SYCP1: variants seen among roughly 807,000 people sequenced by gnomAD.
SYCP1 encodes cancer/testis antigen 8.
Under a neutral mutation model 153.1 loss-of-function variants are expected in SYCP1, and 64 were observed. That is an observed-to-expected ratio of 0.42 (90% confidence interval 0.34 to 0.51). The LOEUF (loss-of-function observed/expected upper bound fraction) is 0.51. SYCP1 is among the 20% of genes least tolerant of loss of function. The pLI, the probability that SYCP1 is intolerant of heterozygous loss-of-function variation, is 0.06. For synonymous variants in SYCP1, 384 were observed against 341.8 expected, an observed-to-expected ratio of 1.12 and a Z score of -1.36; for missense variants, 997 against 1,049.0, an observed-to-expected ratio of 0.95 and a Z score of 0.68.
Position 114,926,321 on chromosome 1 carries a change from T to C in SYCP1, c.1844T>C (p.Ile615Thr), listed in dbSNP as rs561224885. 7.2e-6 allele frequency: 11 copies of C among 1,534,944 alleles called. No individual in the cohort carries two copies. In the South Asian group the frequency reaches 1.4e-4, roughly 20 times the overall value. The change falls in exon 22 of 32, where the codon ATT becomes ACT. Residue 615 changes from isoleucine (I) to threonine (T), a missense_variant. Physicochemically the swap from Ile to Thr is moderately conservative, Grantham distance 89 (BLOSUM62 -1). Coordinates refer to ENST00000369522, the MANE Select transcript of SYCP1 (RefSeq NM_003176.4). ...CAAGTTGAAAATAAAAACAAGTATATTGAAGAACTTCAGCAGGAGGTATGT... is the reference window on the plus strand; with the variant it reads ...CAAGTTGAAAATAAAAACAAGTATACTGAAGAACTTCAGCAGGAGGTATGT... ...RKQVENKNKY[I>T]EELQQENKAL...
intron 23 of SYCP1, among the ~76,000 whole-genome samples, chr1:114,935,053 C>T (rs536483312): frequency 6.4e-4 from 97 of 152,108 alleles, no homozygotes; most frequent in African/African-American, 2.0e-3. Context: ...TGCACCAAGC[C>T]GACCTAATAG....
intron 17 of SYCP1, among the ~76,000 whole-genome samples, chr1:114,910,920 G>GC (rs1361866992): frequency 6.6e-6 from 1 of 152,014 alleles, no homozygotes; most frequent in Non-Finnish European, 1.5e-5. Context: ...ACACCATCAT[G>GC]CCTAGCCAAG....
chr1:114,981,347 A>C lies in SYCP1; in HGVS notation c.2394A>C (p.Thr798=). 6.3e-7 allele frequency: 1 copy of C among 1,590,058 alleles called. No individual in the cohort carries two copies. Among genetic ancestry groups the C allele is most frequent in the Non-Finnish European group, 8.5e-7 (1 of 1,171,782 alleles). ...LKEKKDKKTQ[T]FLLETPEIYW... ...GTTGTTCAATGCAGAAAACACAAACATTTTTATTGGAAACACCTGAAATTT... is the reference window on the plus strand; with the variant it reads ...GTTGTTCAATGCAGAAAACACAAACCTTTTTATTGGAAACACCTGAAATTT... Residue 798 remains threonine (T), a synonymous_variant, in exon 29 of 32, where the codon ACA becomes ACC. Coordinates refer to ENST00000369522, the MANE Select transcript of SYCP1 (RefSeq NM_003176.4).
intron 27 of SYCP1, among the ~76,000 whole-genome samples, chr1:114,952,834 T>C (rs1260844635): frequency 2.0e-5 from 3 of 152,236 alleles, no homozygotes; most frequent in Non-Finnish European, 4.4e-5. Flanking sequence ...ATTCTTTATA[T>C]AATGTAATTA....
intron 29 of SYCP1, 43 bp from the exon 30 acceptor site, chr1:114,984,682 T>G (rs780150356): frequency 7.8e-7 from 1 of 1,281,634 alleles, no homozygotes; most frequent in Non-Finnish European, 1.0e-6. Flanking sequence ...ATAATGCATA[T>G]TTTATTTGAT....
intron 12 of SYCP1, among the ~76,000 whole-genome samples, chr1:114,880,990 A>G (rs1665878735): frequency 6.6e-6 from 1 of 152,024 alleles, no homozygotes; most frequent in African/African-American, 2.4e-5. Flanking sequence ...ATTTAAGTAG[A>G]TAACAATTAG....
At chr1:114,910,810 G>C (rs1668126264) in intron 17 of SYCP1, among the ~76,000 whole-genome samples, 2 of 152,156 alleles carry the variant, frequency 1.3e-5, no homozygotes, top group South Asian at 4.2e-4. Flanking sequence ...GCCCAGGCTG[G>C]AGTGAAGTAG....
chr1:114,897,591 G>A (rs568471175), intron 16 of SYCP1, among the ~76,000 whole-genome samples: 2 of 152,316 alleles, frequency 1.3e-5, no homozygotes, highest in East Asian at 1.9e-4. Flanking sequence ...TTTGGAGGAT[G>A]CATCTGAGGG....
chr1:114,855,531 G>T lies in SYCP1; in HGVS notation c.67G>T (p.Val23Leu). ...PRSSSSQVSA[V>L]KPQTLGGDST... The stretch of plus-strand genomic sequence containing the variant: ...ATCAAGCAGCAGTCAGGTGTCTGCG[G>T]TGAAACCTCAGACCCTGGGAGGCGA... Residue 23 changes from valine (V) to leucine (L), a missense_variant, in exon 2 of 32, where the codon GTG (valine) becomes TTG (leucine). By Grantham distance (32) the Val-to-Leu change is conservative. Coordinates refer to ENST00000369522, the MANE Select transcript of SYCP1 (RefSeq NM_003176.4). 3 of 1,611,448 alleles carry T rather than the reference G, an allele frequency of 1.9e-6. No homozygotes were observed. In the South Asian group the frequency reaches 3.3e-5, roughly 18 times the overall value.
chr1:114,939,232 G>A (rs560545738), intron 23 of SYCP1, among the ~76,000 whole-genome samples: 3 of 152,212 alleles, frequency 2.0e-5, no homozygotes, highest in Non-Finnish European at 2.9e-5. Flanking sequence ...TATGGAAAAT[G>A]TTTTGGTGGT....
chr1:114,956,228 C>G (rs1021098351), intron 27 of SYCP1, among the ~76,000 whole-genome samples: 1 of 152,068 alleles, frequency 6.6e-6, no homozygotes, highest in Non-Finnish European at 1.5e-5. Flanking sequence ...AGCCTGTGTC[C>G]CCCAGCAGAT....
intron 21 of SYCP1, 59 bp downstream of exon 21, chr1:114,923,589 A>C (rs895936404): frequency 6.9e-7 from 1 of 1,441,078 alleles, no homozygotes; most frequent in Non-Finnish European, 9.3e-7. Flanking sequence ...AAGCAACACC[A>C]TATGTCTAAA....
At chr1:114,891,686 C>T (rs1224426375) in intron 15 of SYCP1, among the ~76,000 whole-genome samples, 1 of 152,178 alleles carries the variant, frequency 6.6e-6, no homozygotes, top group Admixed American at 6.5e-5. Context: ...ATATCTGGAT[C>T]TATCTTTGCT....
intron 16 of SYCP1, among the ~76,000 whole-genome samples, chr1:114,902,366 C>T (rs574294602): frequency 6.6e-6 from 1 of 152,158 alleles, no homozygotes; most frequent in Non-Finnish European, 1.5e-5. Flanking sequence ...TAGGAAAAAC[C>T]GGGTTCTTGT....
intron 28 of SYCP1, 75 bp from the exon 29 acceptor site, chr1:114,981,261 G>C: frequency 8.5e-7 from 1 of 1,178,830 alleles, no homozygotes; most frequent in South Asian, 1.6e-5. Flanking sequence ...ACTAGTTGCT[G>C]CACTTTAATT....
At chr1:114,991,590 G>A (rs1673925521) in intron 30 of SYCP1, among the ~76,000 whole-genome samples, 1 of 151,712 alleles carries the variant, frequency 6.6e-6, no homozygotes, top group South Asian at 2.1e-4. Flanking sequence ...AAGGTACCTG[G>A]CAAAATCCAA....
intron 15 of SYCP1, among the ~76,000 whole-genome samples, chr1:114,887,982 A>G (rs1193410746): frequency 1.3e-5 from 2 of 152,024 alleles, no homozygotes; most frequent in African/African-American, 2.4e-5. Flanking sequence ...TGTTTTCTTT[A>G]TTTTAGGATT....
At chr1:114,924,648 T>A (rs1319851046) in intron 21 of SYCP1, among the ~76,000 whole-genome samples, 1 of 152,094 alleles carries the variant, frequency 6.6e-6, no homozygotes, top group Non-Finnish European at 1.5e-5. Flanking sequence ...TGGGTAAGCC[T>A]GAAAGTATCA....
At chr1:114,913,390 A>G (rs1668307967) in intron 19 of SYCP1, among the ~76,000 whole-genome samples, 1 of 152,056 alleles carries the variant, frequency 6.6e-6, no homozygotes, top group Non-Finnish European at 1.5e-5. Flanking sequence ...TTAGGCATCA[A>G]GATTTTTAAA....
Sources: allele counts gnomAD v4.1 joint callset (sites outside exome capture counted in the v4.1 genomes callset), GRCh38; gene constraint gnomAD v4.1.1; transcripts MANE v1.5; gene names NCBI Gene and HGNC (gene_info 2026-07-23, HGNC 2026-07-21).